TMEM106A: variants seen among roughly 807,000 people sequenced by gnomAD.
TMEM106A encodes the protein transmembrane protein 106A.
A neutral mutation model predicts 25.1 loss-of-function variants in TMEM106A; 22 were observed. The ratio of observed to expected loss-of-function variants is 0.88; its 90% CI spans 0.63 to 1.25. TMEM106A has a LOEUF of 1.25. Ranked by LOEUF, TMEM106A falls within the 50% of genes most tolerant of loss-of-function variation. TMEM106A has a pLI of 0.00. For missense variants in TMEM106A, 275 were observed against 318.1 expected, an observed-to-expected ratio of 0.86 and a Z score of 1.03; for synonymous variants, 104 against 129.9, an observed-to-expected ratio of 0.80 and a Z score of 1.35.
At position 43,216,988 on chromosome 17, in the gene TMEM106A, T is replaced by C. The variant is rs1598033681; in HGVS notation, c.614+248T>C. On this transcript the variant is annotated intron_variant, in intron 7 of 8. Coordinates refer to ENST00000612339, the MANE Select transcript of TMEM106A (RefSeq NM_145041.4). ...ATATGTGACCTTGGGCTCTTCAGCC[T>C]GCATTGCTGAGGAAGAAGAATGTTT... is the stretch of plus-strand genomic sequence containing the variant. The C allele has an allele frequency of 8.0e-6, 5 of 624,902 alleles. No homozygotes were observed. In the East Asian group the frequency reaches 1.4e-4, roughly 17 times the overall value. 38.7% of individuals were successfully genotyped at this position (624,902 alleles called of 1,614,324 possible).
rs1247163226 is a variant in TMEM106A at position 43,215,875 on chromosome 17, G to A, written c.363G>A (p.Val121=). The change falls in exon 5 of 9, where the codon GTG becomes GTA. Residue 121 remains valine, a synonymous_variant. Coordinates refer to ENST00000612339, the MANE Select transcript of TMEM106A (RefSeq NM_145041.4). ...VFFLFPRSVI[V]QPAGLNSSTV... ...TCCTGTTTCCCCGGTCCGTCATTGT[G>A]CAGCCTGCAGGCCTCAACTCCTCCA... 5.0e-6 allele frequency: 8 copies of A among 1,613,928 alleles called. No individual in the cohort carries two copies. Among genetic ancestry groups the A allele is most frequent in the Non-Finnish European group, 5.9e-6 (7 of 1,180,026 alleles).
At position 43,218,767 on chromosome 17, in the gene TMEM106A, A is replaced by G. The variant is rs2154582651; in HGVS notation, c.*966A>G. ...GGATCATAGATGCTTTTCTGTGCCT[A>G]TCTGCTTTGACCATGTGAAAAAGTG... On this transcript the variant is annotated 3_prime_UTR_variant, in exon 9 of 9. Coordinates refer to ENST00000612339, the MANE Select transcript of TMEM106A (RefSeq NM_145041.4). 1 of 152,290 alleles carries G rather than the reference A, an allele frequency of 6.6e-6. No homozygotes were observed. The highest frequency in any genetic ancestry group is 1.9e-4 in the East Asian group (1 of 5,184). The allele number at this position is 152,290 out of a possible 1,614,324, so 9.4% of individuals were successfully genotyped here.
rs138925075 is a variant in TMEM106A at position 43,219,422 on chromosome 17, A to G, written c.*1621A>G. ...TGTACTTTAGCAGAACAGGAAGGAT[A>G]TTTGTTCATTAAAGGTGGCTTGGTC... On this transcript the variant is annotated 3_prime_UTR_variant, in exon 9 of 9. Coordinates refer to ENST00000612339, the MANE Select transcript of TMEM106A (RefSeq NM_145041.4). 7.2e-5 allele frequency: 11 copies of G among 152,132 alleles called. No homozygotes were observed. The highest frequency in any genetic ancestry group is 7.2e-4 in the Admixed American group (11 of 15,270). 9.4% of individuals were successfully genotyped at this position (152,132 alleles called of 1,614,324 possible).
chr17:43,217,400 AAGCT>A, intron 8 of TMEM106A, 88 bp downstream of exon 8: 1 of 1,493,496 alleles, frequency 6.7e-7, no homozygotes, highest in Non-Finnish European at 9.3e-7. Flanking sequence ...AGAGTCTTCC[AAGCT>A]GACCCCATGA....
intron 2 of TMEM106A, among the ~76,000 whole-genome samples, chr17:43,212,775 CT>C (rs1241077501): frequency 6.6e-6 from 1 of 152,170 alleles, no homozygotes; most frequent in Admixed American, 6.5e-5. Flanking sequence ...GTAACTTCTG[CT>C]TTTCTTTTGT....
chr17:43,217,983 A>G lies in TMEM106A; in HGVS notation c.*182A>G, dbSNP rs1197296355. On this transcript the variant is annotated 3_prime_UTR_variant, in exon 9 of 9. Transcript: ENST00000612339. ...TTTGAAGTTAACTTCATACACACAC[A>G]CTCATATCCTCCAGTTTCCCCCAGA... The G allele has an allele frequency of 1.3e-6, 1 of 753,788 alleles. No homozygotes were observed. The highest frequency in any genetic ancestry group is 2.7e-5 in the East Asian group (1 of 36,554). 46.7% of individuals were successfully genotyped at this position (753,788 alleles called of 1,614,324 possible). A position where few individuals can be genotyped will look rare whatever the true frequency, so the allele number is the denominator to read the frequency against.
chr17:43,216,294 A>G (rs1035796901), intron 5 of TMEM106A, among the ~76,000 whole-genome samples, 155 bp from the exon 6 acceptor site: 11 of 152,312 alleles, frequency 7.2e-5, no homozygotes, highest in African/African-American at 2.2e-4. Context: ...TCACCATTCA[A>G]TGCCCCTCCA....
In TMEM106A at chr17:43,218,106, A is replaced by C; in HGVS notation, c.*305A>C. On this transcript the variant is annotated 3_prime_UTR_variant, in exon 9 of 9. Transcript: ENST00000612339. ...CACTGTTGGTCCAGGTTGGTTTTGA[A>C]CTCCTGGGCTCAAGCGATCCTCCCT... The C allele has an allele frequency of 7.3e-6, 2 of 273,832 alleles. No individual in the cohort carries two copies. Among genetic ancestry groups the C allele is most frequent in the South Asian group, 4.9e-5 (1 of 20,610 alleles). 17.0% of individuals were successfully genotyped at this position (273,832 alleles called of 1,614,324 possible).
At position 43,216,546 on chromosome 17, in the gene TMEM106A, C is replaced by T; in HGVS notation, c.527C>T (p.Ser176Phe). ...LHLSLVVGQVSNNLLLHIGPL... is the reference protein window; with the variant it reads ...LHLSLVVGQVFNNLLLHIGPL... ...CTGTCCCTCGTGGTGGGGCAGGTTT[C>T]CAACAACCTTCTCCTACACATTGGC... The change falls in exon 6 of 9, where the codon TCC becomes TTC. Residue 176 changes from serine (S) to phenylalanine (F), a missense_variant. By Grantham distance (155) the Ser-to-Phe change is radical. Transcript: ENST00000612339. 1 of 1,614,224 alleles carries T rather than the reference C, an allele frequency of 6.2e-7. No individual in the cohort carries two copies. The highest frequency in any genetic ancestry group is 1.1e-5 in the South Asian group (1 of 91,084).
rs1700911031 is a variant in TMEM106A, at chr17:43,214,207, AAAAAAAAAAAGAAAAG to A, written c.275+320_275+335del. ...CTCTATCAAAAAAAAAAAAAAAAAGAAAAAAAAAAAGAAAAGAAAGAAAGAAAGAAAAAAGCAGCAG... is the reference window on the plus strand; with the variant it reads ...CTCTATCAAAAAAAAAAAAAAAAAGAAAAGAAAGAAAGAAAAAAGCAGCAG... On this transcript the variant is annotated intron_variant, in intron 4 of 8. Transcript: ENST00000612339. Among the ~76,000 whole-genome samples the A allele has an allele frequency of 7.0e-5, 5 of 71,422 alleles. No homozygotes were observed. In the South Asian group the frequency reaches 2.3e-3, roughly 32 times the overall value. 46.9% of individuals were successfully genotyped at this position (71,422 alleles called of 152,430 possible). A position where few individuals can be genotyped will look rare whatever the true frequency, so the allele number is the denominator to read the frequency against.
intron 4 of TMEM106A, among the ~76,000 whole-genome samples, chr17:43,214,636 G>T (rs1049276922): frequency 2.0e-5 from 3 of 152,010 alleles, no homozygotes; most frequent in Non-Finnish European, 4.4e-5. Context: ...CCACCAAGCC[G>T]AACCCTCTCC....
chr17:43,216,078 T>A, intron 5 of TMEM106A, 137 bp downstream of exon 5: 2 of 1,096,580 alleles, frequency 1.8e-6, no homozygotes, highest in Middle Eastern at 2.3e-4. Context: ...TGAAGAGAAG[T>A]AGGAGCAACC....
chr17:43,219,773 C>A lies in TMEM106A; in HGVS notation c.*1972C>A. 6.7e-6 allele frequency: 1 copy of A among 148,602 alleles called. No homozygotes were observed. The highest frequency in any genetic ancestry group is 1.5e-5 in the Non-Finnish European group (1 of 67,378). The allele number at this position is 148,602 out of a possible 1,614,324, so 9.2% of individuals were successfully genotyped here. Reference sequence around the variant, plus strand: ...AAAAGATGGCTGTCTCTTTATCATTCAGACAGAACGATGAACACAGGTGAG... The same window carrying A: ...AAAAGATGGCTGTCTCTTTATCATTAAGACAGAACGATGAACACAGGTGAG... On this transcript the variant is annotated 3_prime_UTR_variant, in exon 9 of 9. Coordinates refer to ENST00000612339, the MANE Select transcript of TMEM106A (RefSeq NM_145041.4).
intron 5 of TMEM106A, 128 bp downstream of exon 5, chr17:43,216,069 G>A (rs753260732): frequency 1.1e-5 from 13 of 1,212,764 alleles, no homozygotes; most frequent in East Asian, 2.3e-5. Context: ...TTGGGAGCCT[G>A]AAGAGAAGTA....
chr17:43,213,930 C>A, intron 4 of TMEM106A, 39 bp downstream of exon 4: 2 of 1,603,384 alleles, frequency 1.2e-6, no homozygotes, highest in South Asian at 2.2e-5. Flanking sequence ...CAAGCCATTG[C>A]CCCTGGGGGC....
At chr17:43,216,663 G>T (rs1265898854) in intron 6 of TMEM106A, 34 bp from the exon 7 acceptor site, 1 of 1,614,214 alleles carries the variant, frequency 6.2e-7, no homozygotes, top group Non-Finnish European at 8.5e-7. Flanking sequence ...GGCAGCTGGA[G>T]TTGGGGCTAA....
Position 43,216,501 on chromosome 17 carries a change from T to C in TMEM106A, c.482T>C (p.Leu161Pro), listed in dbSNP as rs375926204. The change falls in exon 6 of 9, where the codon CTG becomes CCG. Residue 161 changes from leucine to proline, a missense_variant. By Grantham distance (98) the Leu-to-Pro change is moderately conservative. Coordinates refer to ENST00000612339, the MANE Select transcript of TMEM106A (RefSeq NM_145041.4). Reference sequence around the variant, plus strand: ...TACTACCCCATTATGGTGACACAGCTGACCCTCGAGGTTCTGCACCTGTCC... The same window carrying C: ...TACTACCCCATTATGGTGACACAGCCGACCCTCGAGGTTCTGCACCTGTCC... ...GNYYPIMVTQ[L>P]TLEVLHLSLV... The C allele has an allele frequency of 6.2e-6, 10 of 1,614,138 alleles. No homozygotes were observed. In the African/African-American group the frequency reaches 1.3e-4, roughly 22 times the overall value.
At chr17:43,216,971 C>T in intron 7 of TMEM106A, 1 of 634,238 alleles carries the variant, frequency 1.6e-6, no homozygotes, top group Non-Finnish European at 2.8e-6. Flanking sequence ...CAATATGTGA[C>T]CTTGGGCTCT....
intron 7 of TMEM106A, 68 bp from the exon 8 acceptor site, chr17:43,217,191 G>C: frequency 6.6e-7 from 1 of 1,523,388 alleles, no homozygotes; most frequent in Non-Finnish European, 9.1e-7. Flanking sequence ...GGACCTGCAG[G>C]CATCTTCTGA....
Sources: gnomAD v4.1 joint callset for allele counts (sites outside exome capture counted in the v4.1 genomes callset) on GRCh38, gnomAD v4.1.1 for gene constraint, MANE v1.5 for transcripts, NCBI Gene and HGNC (gene_info 2026-07-23, HGNC 2026-07-21) for gene names.